Variants in COL22A1 observed in about 807,000 individuals in gnomAD.
The protein encoded by COL22A1 is collagen alpha-1(XXII) chain.
Under a neutral mutation model 248.9 loss-of-function variants are expected in COL22A1, and 221 were observed. The observed-to-expected ratio is 0.89, with a 90% CI of 0.80 to 0.99. COL22A1 has a LOEUF of 0.99. Ranked by LOEUF, COL22A1 falls within the 50% of genes least tolerant of loss-of-function variation. COL22A1 has a pLI of 0.00. For missense variants in COL22A1, 2,240 were observed against 2,179.0 expected (o/e 1.03, Z -0.56); for synonymous variants, 891 against 793.4 (o/e 1.12, Z -2.07).
At chr8:138,902,286 G>T (rs1814644003) in intron 1 of COL22A1, among the ~76,000 whole-genome samples, 1 of 152,194 alleles carries the variant, frequency 6.6e-6, no homozygotes, top group Non-Finnish European at 1.5e-5. Flanking sequence ...CAACCCTCCA[G>T]AAAAAGAGAG....
At chr8:138,795,607 A>G (rs879589384) in intron 12 of COL22A1, among the ~76,000 whole-genome samples, 1 of 151,980 alleles carries the variant, frequency 6.6e-6, no homozygotes, top group African/African-American at 2.4e-5. Flanking sequence ...TTAAAAATGA[A>G]CAGAATATTG....
intron 2 of COL22A1, among the ~76,000 whole-genome samples, chr8:138,879,857 C>CAAAACA (rs1355737552): frequency 6.7e-6 from 1 of 149,008 alleles, no homozygotes; most frequent in South Asian, 2.1e-4. Flanking sequence ...CAAAACAAAA[C>CAAAACA]AAAAAAACAC....
rs1387097101 is a variant in COL22A1, at chr8:138,728,462, G to A, written c.2140-3022C>T. ...ATTCAGTTCCCTTCCCTCCTTACAT[G>A]TCTAAGGATGCCGATGACCTCTGGA... On this transcript the variant is annotated intron_variant, in intron 23 of 64. Transcript: ENST00000303045. Among the ~76,000 whole-genome samples, 3 of 152,048 alleles carry A rather than the reference G, an allele frequency of 2.0e-5. No homozygotes were observed. The East Asian group carries it at 5.8e-4, about 29-fold the overall frequency.
chr8:138,709,466 G>C (rs932132638), intron 30 of COL22A1, among the ~76,000 whole-genome samples: 5 of 152,080 alleles, frequency 3.3e-5, no homozygotes. Context: ...CCATAAAAAG[G>C]ATGAGTTCAT....
At chr8:138,681,618 G>A (rs750707256) in intron 39 of COL22A1, among the ~76,000 whole-genome samples, 4 of 152,172 alleles carry the variant, frequency 2.6e-5, no homozygotes, top group Non-Finnish European at 4.4e-5. Context: ...GAGCCCCTGA[G>A]CACTGCAGAT....
At chr8:138,648,872 T>C (rs1822439811) in intron 46 of COL22A1, among the ~76,000 whole-genome samples, 1 of 152,236 alleles carries the variant, frequency 6.6e-6, no homozygotes, top group South Asian at 2.1e-4. Flanking sequence ...GAGGACTAAG[T>C]ATTGCTTATC....
chr8:138,593,954 GC>G, intron 63 of COL22A1, 62 bp downstream of exon 63: 3 of 1,319,330 alleles, frequency 2.3e-6, no homozygotes, highest in Middle Eastern at 1.9e-4. Context: ...CCACCTCCCA[GC>G]CCTGTTCCTT....
intron 12 of COL22A1, among the ~76,000 whole-genome samples, chr8:138,783,949 C>A (rs190417122): frequency 6.6e-6 from 1 of 152,172 alleles, no homozygotes; most frequent in Non-Finnish European, 1.5e-5. Context: ...GAGCCCAGAG[C>A]CCAGAGCCCA....
rs1554617149 is a variant in COL22A1 at position 138,762,609 on chromosome 8, C to CA, written c.1804-144dup. The CA allele has an allele frequency of 1.3e-4, 83 of 639,970 alleles. 1 individual carries two copies. Among genetic ancestry groups the CA allele is most frequent in the Non-Finnish European group, 1.7e-4 (60 of 360,556 alleles). 39.6% of individuals were successfully genotyped at this position (639,970 alleles called of 1,614,324 possible). A position where few individuals can be genotyped will look rare whatever the true frequency, so the allele number is the denominator to read the frequency against. On this transcript the variant is annotated intron_variant, in intron 16 of 64. Coordinates refer to ENST00000303045, the MANE Select transcript of COL22A1 (RefSeq NM_152888.3). ...ACGTGCACACACACACACACACACA[C>CA]AACAGCCCTAGACGGGATGTGTCTT...
At chr8:138,726,229 C>CTT (rs1271602813) in intron 23 of COL22A1, among the ~76,000 whole-genome samples, 2 of 151,948 alleles carry the variant, frequency 1.3e-5, no homozygotes, top group African/African-American at 4.8e-5. Context: ...TGGTGGCTCA[C>CTT]AACTGTAATC....
chr8:138,698,175 G>A (rs1453694068), intron 32 of COL22A1, among the ~76,000 whole-genome samples: 1 of 152,226 alleles, frequency 6.6e-6, no homozygotes, highest in Non-Finnish European at 1.5e-5. Flanking sequence ...AGGGGCAGGG[G>A]GAGGCAATAC....
chr8:138,662,435 C>A (rs994280107), intron 42 of COL22A1, among the ~76,000 whole-genome samples: 2 of 152,156 alleles, frequency 1.3e-5, no homozygotes, highest in African/African-American at 4.8e-5. Context: ...GGATAACCAG[C>A]CCCGAGAGCT....
intron 1 of COL22A1, among the ~76,000 whole-genome samples, chr8:138,906,656 T>C (rs1815047917): frequency 1.3e-5 from 2 of 149,534 alleles, no homozygotes; most frequent in Non-Finnish European, 3.0e-5. Flanking sequence ...GACTTTCTTT[T>C]TCTTTTTTTT....
intron 1 of COL22A1, 72 bp from the exon 2 acceptor site, chr8:138,883,316 G>C: frequency 1.3e-6 from 1 of 797,046 alleles, no homozygotes; most frequent in Non-Finnish European, 1.9e-6. Flanking sequence ...TCTGGGCCCT[G>C]CCCAGGGGGA....
At chr8:138,732,528 A>G (rs540312899) in intron 23 of COL22A1, among the ~76,000 whole-genome samples, 1 of 152,358 alleles carries the variant, frequency 6.6e-6, no homozygotes, top group Admixed American at 6.5e-5. Flanking sequence ...TGTGAATTAA[A>G]GAAGTGTGAA....
chr8:138,598,782 A>C lies in COL22A1; in HGVS notation c.4302T>G (p.Pro1434=), dbSNP rs1268238555. 28 of 1,613,966 alleles carry C rather than the reference A, an allele frequency of 1.7e-5. No homozygotes were observed. Among genetic ancestry groups the C allele is most frequent in the Non-Finnish European group, 2.4e-5 (28 of 1,180,010 alleles). ...HTGLMGPQGL[P]GENGPVGPPG... ...GGGGTCCAACTGGTCCATTCTCCCC[A>C]GGTAGTCCTTGGGGACCCATCAGGC... Residue 1434 remains proline, a synonymous_variant, in exon 61 of 65, where the codon CCT becomes CCG. Coordinates refer to ENST00000303045, the MANE Select transcript of COL22A1 (RefSeq NM_152888.3).
chr8:138,747,825 C>A (rs1832249134), intron 22 of COL22A1, among the ~76,000 whole-genome samples: 1 of 151,764 alleles, frequency 6.6e-6, no homozygotes, highest in Admixed American at 6.6e-5. Context: ...AGAAAAGGGG[C>A]AGGAGGGAAT....
chr8:138,680,992 G>A (rs1049631905), intron 39 of COL22A1, among the ~76,000 whole-genome samples: 10 of 148,370 alleles, frequency 6.7e-5, no homozygotes, highest in African/African-American at 9.9e-5. Flanking sequence ...TCTTCCCCCC[G>A]GGGGGGGTCT....
At chr8:138,686,165 C>T (rs995653429) in intron 37 of COL22A1, among the ~76,000 whole-genome samples, 5 of 152,184 alleles carry the variant, frequency 3.3e-5, no homozygotes, top group Non-Finnish European at 5.9e-5. Flanking sequence ...AGGTTTTCAA[C>T]TATAAGAACA....
Sources: allele counts gnomAD v4.1 joint callset (sites outside exome capture counted in the v4.1 genomes callset), GRCh38; gene constraint gnomAD v4.1.1; transcripts MANE v1.5; gene names NCBI Gene and HGNC (gene_info 2026-07-23, HGNC 2026-07-21).